IYD: variants seen among roughly 807,000 people sequenced by gnomAD.
The protein encoded by IYD is iodotyrosine deiodinase.
Under a neutral mutation model 28.4 loss-of-function variants are expected in IYD, and 25 were observed. That is an observed-to-expected ratio of 0.88 (90% CI 0.64 to 1.23). The LOEUF (loss-of-function observed/expected upper bound fraction) is 1.23. Among genes scored for constraint, IYD ranks in the 50% most tolerant of loss-of-function variants. The pLI, the probability that IYD is intolerant of heterozygous loss-of-function variation, is 0.00. For missense variants in IYD, 352 were observed against 357.9 expected, an observed-to-expected ratio of 0.98 and a Z score of 0.13; for synonymous variants, 140 against 130.8, an observed-to-expected ratio of 1.07 and a Z score of -0.48.
intron 1 of IYD, among the ~76,000 whole-genome samples, chr6:150,385,599 T>C (rs1777833917): frequency 6.6e-6 from 1 of 152,068 alleles, no homozygotes. Context: ...AATTCTGTTA[T>C]TAATATTTTA....
chr6:150,370,538 A>AGG (rs1475153052), intron 1 of IYD: 2 of 985,316 alleles, frequency 2.0e-6, no homozygotes, highest in Non-Finnish European at 2.4e-6. Context: ...TGCACCGTAC[A>AGG]GGAGTCTAGC....
chr6:150,389,148 A>G (rs1778014327), intron 1 of IYD, among the ~76,000 whole-genome samples: 1 of 152,218 alleles, frequency 6.6e-6, no homozygotes, highest in Admixed American at 6.5e-5. Context: ...GGGAATACAC[A>G]TGTGAGCCAT....
rs1218970078 is a variant in IYD, at chr6:150,403,632, C to G, written c.*5395C>G. 6.6e-6 allele frequency: 1 copy of G among 152,230 alleles called. No homozygotes were observed. Among genetic ancestry groups the G allele is most frequent in the East Asian group, 1.9e-4 (1 of 5,190 alleles). The allele number at this position is 152,230 out of a possible 1,614,324, so 9.4% of individuals were successfully genotyped here. On this transcript the variant is annotated 3_prime_UTR_variant, in exon 5 of 5. Transcript: ENST00000344419. ...ATCCAGGGGCAGGCTCAAGGGAGAA[C>G]AGCCCCCAAAGCTAAGATCCTGCCA... is the stretch of plus-strand genomic sequence containing the variant.
chr6:150,389,209 G>A, intron 1 of IYD, 143 bp from the exon 2 acceptor site: 1 of 659,932 alleles, frequency 1.5e-6, no homozygotes, highest in East Asian at 2.8e-5. Flanking sequence ...TAAGGATTCT[G>A]TAAATCTATT....
intron 1 of IYD, among the ~76,000 whole-genome samples, chr6:150,373,148 T>A (rs1777331382): frequency 6.6e-6 from 1 of 152,194 alleles, no homozygotes; most frequent in Non-Finnish European, 1.5e-5. Context: ...ACTAGCTGAA[T>A]AATAAGTGAC....
At chr6:150,375,920 T>C (rs1777430006) in intron 1 of IYD, among the ~76,000 whole-genome samples, 1 of 152,180 alleles carries the variant, frequency 6.6e-6, no homozygotes, top group Admixed American at 6.5e-5. Flanking sequence ...TAGAAAATAG[T>C]GGTCCATTTG....
chr6:150,382,679 G>A lies in IYD; in HGVS notation c.179-6673G>A, dbSNP rs139951540. On this transcript the variant is annotated intron_variant, in intron 1 of 4. Transcript: ENST00000344419. Reference sequence around the variant, plus strand: ...TCTTTCCATGCTACATTTTGGATAGGTTAGAAGAAACTATCTTCCTATTGA... The same window carrying A: ...TCTTTCCATGCTACATTTTGGATAGATTAGAAGAAACTATCTTCCTATTGA... 4.7e-3 allele frequency among the ~76,000 whole-genome samples: 713 copies of A among 152,238 alleles called. 2 individuals carry two copies. The highest frequency in any genetic ancestry group is 0.016 in the African/African-American group (680 of 41,550).
In IYD at chr6:150,370,680, T is replaced by C. The variant is rs570305902; in HGVS notation, c.178+1471T>C. The C allele has an allele frequency of 2.1e-4, 202 of 985,268 alleles. 1 individual carries two copies. In the South Asian group the frequency reaches 8.5e-3, roughly 41 times the overall value. 61.0% of individuals were successfully genotyped at this position (985,268 alleles called of 1,614,324 possible). On this transcript the variant is annotated intron_variant, in intron 1 of 4. Transcript: ENST00000344419. ...TGTGAAGCTGGGTAATGGTTTGTGC[T>C]GGTAAGGATGGCCTGGATGGTGGGG...
rs144729952 is a variant in IYD at position 150,398,174 on chromosome 6, C to T, written c.807C>T (p.Ser269=). The part of the protein sequence containing the change: ...LLMLLPVGYP[S]KEATVPDLKR... Reference sequence around the variant, plus strand: ...TGCTGCTCCCCGTGGGGTACCCCAGCAAGGAGGCCACGGTGCCTGACCTCA... The same window carrying T: ...TGCTGCTCCCCGTGGGGTACCCCAGTAAGGAGGCCACGGTGCCTGACCTCA... The change falls in exon 5 of 5, where the codon AGC becomes AGT. Residue 269 remains serine, a synonymous_variant. Coordinates refer to ENST00000344419, the MANE Select transcript of IYD (RefSeq NM_203395.3). The T allele has an allele frequency of 1.6e-4, 254 of 1,614,086 alleles. No homozygotes were observed. The highest frequency in any genetic ancestry group is 2.1e-4 in the Non-Finnish European group (248 of 1,180,036).
At chr6:150,371,423 G>T (rs1777237504) in intron 1 of IYD, among the ~76,000 whole-genome samples, 1 of 152,206 alleles carries the variant, frequency 6.6e-6, no homozygotes, top group Non-Finnish European at 1.5e-5. Context: ...GAGATAGCCA[G>T]CAGGGACCAA....
At chr6:150,382,824 G>C (rs1173064427) in intron 1 of IYD, among the ~76,000 whole-genome samples, 1 of 152,072 alleles carries the variant, frequency 6.6e-6, no homozygotes, top group African/African-American at 2.4e-5. Flanking sequence ...CAAATTTGCT[G>C]TCACTTTTTT....
chr6:150,392,153 C>T (rs577987208), intron 2 of IYD, 192 bp from the exon 3 acceptor site: 147 of 233,784 alleles, frequency 6.3e-4, no homozygotes, highest in African/African-American at 3.0e-3. Flanking sequence ...CTCTACCTCC[C>T]AAGCAGCTGG....
At chr6:150,396,099 G>T in intron 4 of IYD, 1 of 221,924 alleles carries the variant, frequency 4.5e-6, no homozygotes, top group Non-Finnish European at 8.8e-6. Flanking sequence ...TGAATGTAAT[G>T]ATATTTTAAA....
At chr6:150,383,859 A>G (rs946239392) in intron 1 of IYD, among the ~76,000 whole-genome samples, 1 of 152,056 alleles carries the variant, frequency 6.6e-6, no homozygotes, top group Non-Finnish European at 1.5e-5. Flanking sequence ...TCCTCCCAAA[A>G]AAAACCCTTG....
chr6:150,395,318 C>T (rs1385013558), intron 4 of IYD: 1 of 984,624 alleles, frequency 1.0e-6, no homozygotes, highest in Non-Finnish European at 1.5e-6. Context: ...AAAAAGAGAG[C>T]TTCTTCACTA....
At chr6:150,388,724 T>G (rs1777995717) in intron 1 of IYD, among the ~76,000 whole-genome samples, 1 of 144,404 alleles carries the variant, frequency 6.9e-6, no homozygotes, top group Non-Finnish European at 1.5e-5. Context: ...TTTTTTTTGA[T>G]GGAGTCTCAC....
Position 150,398,396 on chromosome 6 carries a change from A to G in IYD, c.*159A>G. On this transcript the variant is annotated 3_prime_UTR_variant, in exon 5 of 5. Coordinates refer to ENST00000344419, the MANE Select transcript of IYD (RefSeq NM_203395.3). Reference sequence around the variant, plus strand: ...ACACTATGTCAAGAAGCCTCTCCACACTCTGTGGCACTTCCAGTCCCATAA... The same window carrying G: ...ACACTATGTCAAGAAGCCTCTCCACGCTCTGTGGCACTTCCAGTCCCATAA... The G allele has an allele frequency of 1.6e-6, 1 of 633,296 alleles. No individual in the cohort carries two copies. The highest frequency in any genetic ancestry group is 1.9e-5 in the South Asian group (1 of 52,078). The allele number at this position is 633,296 out of a possible 1,614,324, so 39.2% of individuals were successfully genotyped here.
intron 1 of IYD, among the ~76,000 whole-genome samples, chr6:150,378,957 A>C (rs2115024907): frequency 6.6e-6 from 1 of 152,328 alleles, no homozygotes; most frequent in East Asian, 1.9e-4. Flanking sequence ...CCTCCTGGTC[A>C]TGCTCATCGC....
intron 1 of IYD, among the ~76,000 whole-genome samples, chr6:150,376,980 GTC>G (rs1207028326): frequency 2.6e-5 from 4 of 152,106 alleles, no homozygotes; most frequent in African/African-American, 4.8e-5. Context: ...TCCAGAAAGA[GTC>G]TCTCTCAGTG....
Sources: allele counts gnomAD v4.1 joint callset (sites outside exome capture counted in the v4.1 genomes callset), GRCh38; gene constraint gnomAD v4.1.1; transcripts MANE v1.5; gene names NCBI Gene and HGNC (gene_info 2026-07-23, HGNC 2026-07-21).